The following CDH12 variants were observed in gnomAD, a reference collection of about 807,000 sequenced individuals.
The protein encoded by CDH12 is cadherin-12.
Under a neutral mutation model 74.1 loss-of-function variants are expected in CDH12, and 41 were observed. The ratio of observed to expected loss-of-function variants is 0.55; its 90% confidence interval spans 0.43 to 0.72. CDH12 has a LOEUF of 0.72. Ranked by LOEUF, CDH12 falls within the 30% of genes least tolerant of loss-of-function variation. CDH12 has a pLI of 0.00. For synonymous variants in CDH12, 399 were observed against 355.0 expected (o/e 1.12, Z -1.39); for missense variants, 945 against 977.2 (o/e 0.97, Z 0.44).
intron 1 of CDH12, among the ~76,000 whole-genome samples, chr5:22,532,420 C>A (rs1262431671): frequency 3.2e-5 from 4 of 124,402 alleles, no homozygotes; most frequent in Non-Finnish European, 6.7e-5. Flanking sequence ...TTTCACAGTA[C>A]CTAATAAGAA....
At chr5:22,326,337 G>A (rs1739102837) in intron 3 of CDH12, among the ~76,000 whole-genome samples, 1 of 152,054 alleles carries the variant, frequency 6.6e-6, no homozygotes, top group African/African-American at 2.4e-5. Context: ...CGGGGTTCAC[G>A]CCATTCTCCT....
At chr5:21,987,029 A>G (rs1757546854) in intron 5 of CDH12, among the ~76,000 whole-genome samples, 1 of 151,874 alleles carries the variant, frequency 6.6e-6, no homozygotes, top group Non-Finnish European at 1.5e-5. Context: ...AATAATCCCA[A>G]TAAAGCAGCT....
At chr5:22,176,844 T>A (rs1233454277) in intron 4 of CDH12, among the ~76,000 whole-genome samples, 1 of 152,064 alleles carries the variant, frequency 6.6e-6, no homozygotes, top group Admixed American at 6.6e-5. Context: ...TCCTCCTGTA[T>A]CACCTCTGAC....
At chr5:22,230,565 G>A (rs1481031303) in intron 3 of CDH12, among the ~76,000 whole-genome samples, 2 of 150,042 alleles carry the variant, frequency 1.3e-5, no homozygotes, top group Admixed American at 6.7e-5. Context: ...TCCACCTCCC[G>A]GTTTAAGCGA....
chr5:21,896,379 C>T (rs552035708), intron 6 of CDH12, among the ~76,000 whole-genome samples: 1 of 152,294 alleles, frequency 6.6e-6, no homozygotes. Flanking sequence ...ACAATTTTCT[C>T]TGCTCAAAAA....
intron 3 of CDH12, among the ~76,000 whole-genome samples, chr5:22,358,889 T>A (rs1325657220): frequency 6.6e-6 from 1 of 152,172 alleles, no homozygotes; most frequent in Non-Finnish European, 1.5e-5. Flanking sequence ...GTTTAATTCA[T>A]ATCAGAAAAC....
At chr5:22,767,686 T>C (rs1746591809) in intron 1 of CDH12, among the ~76,000 whole-genome samples, 1 of 152,024 alleles carries the variant, frequency 6.6e-6, no homozygotes, top group South Asian at 2.1e-4. Flanking sequence ...GCCCTAATTA[T>C]ACCCAGCCAC....
At chr5:22,726,414 G>T (rs1331795120) in intron 1 of CDH12, among the ~76,000 whole-genome samples, 2 of 151,634 alleles carry the variant, frequency 1.3e-5, no homozygotes, top group Admixed American at 1.3e-4. Flanking sequence ...TCATCGTCTA[G>T]ATGTATTTTT....
chr5:22,652,747 G>A lies in CDH12; in HGVS notation c.-522-147383C>T, dbSNP rs142522149. 5.3e-3 allele frequency among the ~76,000 whole-genome samples: 810 copies of A among 152,258 alleles called. 6 individuals are homozygous for A. Among genetic ancestry groups the A allele is most frequent in the African/African-American group, 0.019 (783 of 41,556 alleles). On this transcript the variant is annotated intron_variant, in intron 1 of 14. Coordinates refer to ENST00000382254, the MANE Select transcript of CDH12 (RefSeq NM_004061.5). ...GTACAAGAAATTCTCACAAGTGTAT[G>A]TGTTTGCAAGAAATAATTAGATAAA...
intron 1 of CDH12, among the ~76,000 whole-genome samples, chr5:22,771,919 T>C (rs1176858682): frequency 6.6e-6 from 1 of 152,060 alleles, no homozygotes; most frequent in East Asian, 1.9e-4. Flanking sequence ...ATATGATATA[T>C]ATAAACACAC....
chr5:21,887,506 T>C (rs1398463437), intron 6 of CDH12, among the ~76,000 whole-genome samples: 1 of 152,174 alleles, frequency 6.6e-6, no homozygotes, highest in Non-Finnish European at 1.5e-5. Context: ...TGCCTGTGAC[T>C]TTTTTCATCC....
intron 3 of CDH12, among the ~76,000 whole-genome samples, chr5:22,383,033 T>C (rs1741837694): frequency 6.6e-6 from 1 of 152,108 alleles, no homozygotes. Context: ...GATTTCACTA[T>C]GTTGGCCAGG....
intron 6 of CDH12, among the ~76,000 whole-genome samples, chr5:21,927,870 C>T (rs1303160467): frequency 6.6e-6 from 1 of 151,796 alleles, no homozygotes; most frequent in African/African-American, 2.4e-5. Context: ...GTGATCGAGA[C>T]CATCCTGGCT....
chr5:22,047,249 T>C (rs1740016365), intron 5 of CDH12, among the ~76,000 whole-genome samples: 1 of 152,198 alleles, frequency 6.6e-6, no homozygotes, highest in African/African-American at 2.4e-5. Flanking sequence ...CCTTAAACTT[T>C]CAATTCCATG....
intron 4 of CDH12, among the ~76,000 whole-genome samples, chr5:22,112,812 T>G (rs536717489): frequency 1.3e-4 from 20 of 152,296 alleles, no homozygotes; most frequent in Admixed American, 4.6e-4. Context: ...CCTGGCTATA[T>G]GACTTTATGC....
chr5:22,807,910 T>A (rs1748898891), intron 1 of CDH12, among the ~76,000 whole-genome samples: 1 of 152,156 alleles, frequency 6.6e-6, no homozygotes, highest in African/African-American at 2.4e-5. Context: ...ATAAACACTG[T>A]ACACTTATGG....
chr5:22,192,178 C>T (rs896474452), intron 4 of CDH12, among the ~76,000 whole-genome samples: 5 of 152,110 alleles, frequency 3.3e-5, no homozygotes, highest in Admixed American at 6.5e-5. Context: ...AAGTGATCTG[C>T]CTGCCTCGGC....
chr5:22,090,437 T>G (rs1206533582), intron 4 of CDH12, among the ~76,000 whole-genome samples: 2 of 150,960 alleles, frequency 1.3e-5, no homozygotes, highest in Admixed American at 6.6e-5. Context: ...TCTTCACTGT[T>G]GAATTCTATC....
At chr5:22,325,517 T>C (rs575928792) in intron 3 of CDH12, among the ~76,000 whole-genome samples, 102 of 152,290 alleles carry the variant, frequency 6.7e-4, no homozygotes, top group African/African-American at 2.4e-3. Context: ...ATTTACAGTA[T>C]CAGAGATCCA....
Sources: allele counts gnomAD v4.1 joint callset (sites outside exome capture counted in the v4.1 genomes callset), GRCh38; gene constraint gnomAD v4.1.1; transcripts MANE v1.5; gene names NCBI Gene and HGNC (gene_info 2026-07-23, HGNC 2026-07-21).